Variants in MAP3K1 observed in about 807,000 individuals in gnomAD.
MAP3K1 encodes MAP/ERK kinase kinase 1.
Under a neutral mutation model 144.2 loss-of-function variants are expected in MAP3K1, and 36 were observed. The ratio of observed to expected loss-of-function variants is 0.25; its 90% CI spans 0.19 to 0.33. MAP3K1 has a LOEUF of 0.33. Ranked by LOEUF, MAP3K1 falls within the 10% of genes least tolerant of loss-of-function variation. The pLI, the probability that MAP3K1 is intolerant of heterozygous loss-of-function variation, is 1.00. For synonymous variants in MAP3K1, 718 were observed against 688.7 expected (o/e 1.04, Z -0.67); for missense variants, 1,650 against 1,881.9 (o/e 0.88, Z 2.28).
intron 9 of MAP3K1, 55 bp downstream of exon 9, chr5:56,873,060 G>A: frequency 2.7e-6 from 4 of 1,481,750 alleles, no homozygotes; most frequent in East Asian, 2.4e-5. Flanking sequence ...ATCAATTAAT[G>A]TATTTGTCTC....
At chr5:56,816,293 T>C (rs1745965126) in intron 1 of MAP3K1, among the ~76,000 whole-genome samples, 1 of 151,884 alleles carries the variant, frequency 6.6e-6, no homozygotes, top group African/African-American at 2.4e-5. Flanking sequence ...TGCAGACATG[T>C]GACAGGCGTG....
At chr5:56,828,142 G>A (rs1746375900) in intron 1 of MAP3K1, among the ~76,000 whole-genome samples, 1 of 152,182 alleles carries the variant, frequency 6.6e-6, no homozygotes, top group South Asian at 2.1e-4. Flanking sequence ...CACTAGGTTA[G>A]CAAAGGCGGT....
At chr5:56,820,798 G>C in intron 1 of MAP3K1, 1 of 985,324 alleles carries the variant, frequency 1.0e-6, no homozygotes, top group Non-Finnish European at 1.2e-6. Flanking sequence ...GATCATGAGT[G>C]CACAAGCTGT....
intron 10 of MAP3K1, among the ~76,000 whole-genome samples, chr5:56,877,612 CATTT>C (rs1398594552): frequency 2.0e-5 from 3 of 151,374 alleles, no homozygotes; most frequent in African/African-American, 7.3e-5. Context: ...TACATAATTC[CATTT>C]ATTCTTCCAT....
At chr5:56,827,945 G>A (rs1223050366) in intron 1 of MAP3K1, among the ~76,000 whole-genome samples, 1 of 151,990 alleles carries the variant, frequency 6.6e-6, no homozygotes. Context: ...TCTGAACCTT[G>A]AATTTCTTGT....
At chr5:56,826,701 A>C (rs986705141) in intron 1 of MAP3K1, among the ~76,000 whole-genome samples, 1 of 152,266 alleles carries the variant, frequency 6.6e-6, no homozygotes. Flanking sequence ...TTAGATGTGC[A>C]GGTCACTCAC....
intron 1 of MAP3K1, among the ~76,000 whole-genome samples, chr5:56,855,598 A>G (rs1268499387): frequency 2.0e-5 from 3 of 152,124 alleles, no homozygotes; most frequent in African/African-American, 7.2e-5. Flanking sequence ...GATTCTCTGA[A>G]GATCGTACTT....
chr5:56,885,434 C>G (rs1452173411), intron 16 of MAP3K1, among the ~76,000 whole-genome samples: 1 of 152,184 alleles, frequency 6.6e-6, no homozygotes, highest in Non-Finnish European at 1.5e-5. Context: ...AAGATTTACA[C>G]TACAGTAGAT....
At chr5:56,860,814 T>A (rs1004052821) in intron 3 of MAP3K1, among the ~76,000 whole-genome samples, 2 of 151,498 alleles carry the variant, frequency 1.3e-5, no homozygotes, top group African/African-American at 2.4e-5. Flanking sequence ...GATTACACCA[T>A]TGCACTCCAG....
chr5:56,837,963 A>G (rs1746704579), intron 1 of MAP3K1, among the ~76,000 whole-genome samples: 1 of 152,180 alleles, frequency 6.6e-6, no homozygotes, highest in African/African-American at 2.4e-5. Flanking sequence ...AATGAGGTGA[A>G]CCCTACAGAG....
intron 2 of MAP3K1, among the ~76,000 whole-genome samples, chr5:56,857,067 C>T (rs1168980629): frequency 6.6e-6 from 1 of 151,946 alleles, no homozygotes; most frequent in East Asian, 1.9e-4. Context: ...AGAATTTTTC[C>T]AGTTTATTTT....
At chr5:56,841,355 G>A (rs1235982295) in intron 1 of MAP3K1, among the ~76,000 whole-genome samples, 1 of 152,052 alleles carries the variant, frequency 6.6e-6, no homozygotes, top group African/African-American at 2.4e-5. Context: ...GCCTCTCTTA[G>A]TAATAAAGTT....
chr5:56,839,089 C>T (rs755901499), intron 1 of MAP3K1, among the ~76,000 whole-genome samples: 27 of 152,130 alleles, frequency 1.8e-4, no homozygotes, highest in Non-Finnish European at 3.4e-4. Flanking sequence ...GGAGGGATTC[C>T]TGAGGTCAAG....
chr5:56,842,527 A>G (rs775705055), intron 1 of MAP3K1, among the ~76,000 whole-genome samples: 1 of 152,210 alleles, frequency 6.6e-6, no homozygotes, highest in Admixed American at 6.5e-5. Context: ...TAGCTTTAAT[A>G]GTAGTAGTAG....
intron 6 of MAP3K1, among the ~76,000 whole-genome samples, chr5:56,870,666 T>C (rs1002335419): frequency 2.0e-5 from 3 of 152,200 alleles, no homozygotes; most frequent in African/African-American, 7.2e-5. Flanking sequence ...CTTTTACTTT[T>C]ACTTTATATA....
chr5:56,851,981 A>T (rs1395992952), intron 1 of MAP3K1: 1 of 152,166 alleles, frequency 6.6e-6, no homozygotes, highest in African/African-American at 2.4e-5. Flanking sequence ...TATTGTAGTT[A>T]ATATTTACCA....
chr5:56,885,041 C>T (rs1748338703), intron 16 of MAP3K1, among the ~76,000 whole-genome samples: 1 of 152,004 alleles, frequency 6.6e-6, no homozygotes, highest in African/African-American at 2.4e-5. Context: ...TAAATTTTTC[C>T]AGTGTGTTTT....
intron 6 of MAP3K1, among the ~76,000 whole-genome samples, chr5:56,868,954 A>G (rs1747767965): frequency 6.6e-6 from 1 of 152,180 alleles, no homozygotes; most frequent in South Asian, 2.1e-4. Context: ...AGCCAGTCAC[A>G]AAAAGACAAA....
chr5:56,839,951 G>A (rs867368590), intron 1 of MAP3K1, among the ~76,000 whole-genome samples: 11 of 152,122 alleles, frequency 7.2e-5, no homozygotes, highest in African/African-American at 2.4e-4. Context: ...TTTTTTCAGT[G>A]TTTAGTGTTA....
Sources: allele counts gnomAD v4.1 joint callset (sites outside exome capture counted in the v4.1 genomes callset), GRCh38; gene constraint gnomAD v4.1.1; transcripts MANE v1.5; gene names NCBI Gene and HGNC (gene_info 2026-07-23, HGNC 2026-07-21).